The following FMN1 variants were observed in gnomAD, a reference collection of about 807,000 sequenced individuals.
FMN1 encodes the protein formin-1.
A neutral mutation model predicts 132.4 loss-of-function variants in FMN1; 110 were observed. That is an observed-to-expected ratio of 0.83 (90% CI 0.71 to 0.97). The LOEUF (loss-of-function observed/expected upper bound fraction) is 0.97, where lower values mean the gene tolerates loss of function less well. Ranked by LOEUF, FMN1 falls within the 50% of genes least tolerant of loss-of-function variation. FMN1 has a pLI of 0.00. For synonymous variants in FMN1, 722 were observed against 651.7 expected, an observed-to-expected ratio of 1.11 and a Z score of -1.64; for missense variants, 1,792 against 1,705.3, an observed-to-expected ratio of 1.05 and a Z score of -0.90.
intron 16 of FMN1, among the ~76,000 whole-genome samples, chr15:32,874,017 G>GTTTTTTTTTTTTTTTTTT (rs962842419): frequency 1.7e-5 from 2 of 115,104 alleles, no homozygotes; most frequent in African/African-American, 6.8e-5. Flanking sequence ...TATTTTAGTT[G>GTTTTTTTTTTTTTTTTTT]TTTTTTTTTT....
intron 16 of FMN1, among the ~76,000 whole-genome samples, chr15:32,861,767 C>T (rs1174856890): frequency 6.6e-6 from 1 of 152,204 alleles, no homozygotes; most frequent in Non-Finnish European, 1.5e-5. Flanking sequence ...TAATGATTTT[C>T]ATTCCCGTGC....
chr15:32,969,219 A>G lies in FMN1; in HGVS notation c.2482T>C (p.Leu828=), dbSNP rs2031556575. 6.2e-7 allele frequency: 1 copy of G among 1,613,826 alleles called. No individual in the cohort carries two copies. Among genetic ancestry groups the G allele is most frequent in the East Asian group, 2.2e-5 (1 of 44,874 alleles). ...SESKTTRSNQ[L]VPKKLNISSL... ...GAGATATTCAGCTTTTTGGGTACTA[A>G]TTGATTACTTCTGGTTGTCTTGCTT... is the stretch of plus-strand genomic sequence containing the variant. The change falls in exon 8 of 21, where the codon TTA becomes CTA. Residue 828 remains leucine, a synonymous_variant. Coordinates refer to ENST00000616417, the MANE Select transcript of FMN1 (RefSeq NM_001277313.2).
At chr15:33,026,006 T>C (rs1050739316) in intron 6 of FMN1, among the ~76,000 whole-genome samples, 1 of 151,978 alleles carries the variant, frequency 6.6e-6, no homozygotes, top group African/African-American at 2.4e-5. Context: ...ATAAAACTGG[T>C]AATGTTTACA....
intron 15 of FMN1, among the ~76,000 whole-genome samples, chr15:32,897,877 T>A (rs1389586634): frequency 6.6e-6 from 1 of 151,774 alleles, no homozygotes; most frequent in East Asian, 1.9e-4. Flanking sequence ...AACAACTCAG[T>A]GGAAGGACAG....
chr15:32,978,058 T>C (rs2032356414), intron 7 of FMN1, among the ~76,000 whole-genome samples: 1 of 152,072 alleles, frequency 6.6e-6, no homozygotes, highest in Admixed American at 6.6e-5. Flanking sequence ...GGTTTCACCA[T>C]GTTGGCCAGG....
chr15:32,913,106 G>T (rs749665002), intron 10 of FMN1, among the ~76,000 whole-genome samples: 2 of 152,076 alleles, frequency 1.3e-5, no homozygotes, highest in Non-Finnish European at 2.9e-5. Context: ...TCTGATCGCG[G>T]TTACTAGGAA....
intron 16 of FMN1, 116 bp downstream of exon 16, chr15:32,888,056 C>T (rs998665663): frequency 2.6e-6 from 2 of 777,614 alleles, no homozygotes; most frequent in Non-Finnish European, 1.9e-6. Flanking sequence ...CTGTAGTGTA[C>T]CATTGCTGAA....
chr15:32,947,116 C>A (rs982926098), intron 9 of FMN1, among the ~76,000 whole-genome samples: 1 of 152,174 alleles, frequency 6.6e-6, no homozygotes. Flanking sequence ...CGTATAAGGC[C>A]AAAAGATAGG....
chr15:32,989,899 A>G (rs2033330569), intron 7 of FMN1, among the ~76,000 whole-genome samples: 1 of 152,162 alleles, frequency 6.6e-6, no homozygotes, highest in Non-Finnish European at 1.5e-5. Flanking sequence ...TAGGAGAACC[A>G]TGACACCGTA....
intron 17 of FMN1, among the ~76,000 whole-genome samples, chr15:32,806,489 C>G (rs920470990): frequency 1.1e-4 from 16 of 152,202 alleles, no homozygotes; most frequent in African/African-American, 3.9e-4. Context: ...CCATAATCTT[C>G]CTCATTGATT....
chr15:32,804,258 G>A, intron 18 of FMN1, 23 bp downstream of exon 18: 1 of 1,541,976 alleles, frequency 6.5e-7, no homozygotes, highest in Middle Eastern at 1.7e-4. Flanking sequence ...AGAAAGAACT[G>A]GGGCCAAATC....
intron 17 of FMN1, among the ~76,000 whole-genome samples, chr15:32,824,269 G>A (rs1235908833): frequency 6.6e-6 from 1 of 152,216 alleles, no homozygotes; most frequent in Non-Finnish European, 1.5e-5. Flanking sequence ...GCCTGGGCTG[G>A]AGCGTGGAGC....
chr15:33,058,430 T>C lies in FMN1; in HGVS notation c.2161+6527A>G, dbSNP rs77126007. 3.0e-3 allele frequency among the ~76,000 whole-genome samples: 462 copies of C among 152,320 alleles called. 5 individuals are homozygous for C. Among genetic ancestry groups the C allele is most frequent in the African/African-American group, 0.01 (432 of 41,578 alleles). The stretch of plus-strand genomic sequence containing the variant: ...CTGTTAAAATAAAAATGTTTGCTCA[T>C]GTACCTCCCAAAACCATTTACATGT... On this transcript the variant is annotated intron_variant, in intron 6 of 20. Transcript: ENST00000616417.
intron 12 of FMN1, among the ~76,000 whole-genome samples, chr15:32,905,905 G>C (rs1001599454): frequency 6.6e-6 from 1 of 152,076 alleles, no homozygotes; most frequent in Non-Finnish European, 1.5e-5. Context: ...CCATCTATCC[G>C]TGCCTCACCC....
chr15:33,130,840 A>AG (rs1963510598), intron 4 of FMN1, among the ~76,000 whole-genome samples: 1 of 152,178 alleles, frequency 6.6e-6, no homozygotes, highest in African/African-American at 2.4e-5. Flanking sequence ...TATAATTTTT[A>AG]AAACTTGTAC....
chr15:33,079,178 A>G (rs563084026), intron 5 of FMN1, among the ~76,000 whole-genome samples: 2 of 152,228 alleles, frequency 1.3e-5, no homozygotes, highest in African/African-American at 4.8e-5. Flanking sequence ...TCCAAATTGT[A>G]TATGAACAGC....
chr15:33,023,075 A>AG (rs1555383617), intron 6 of FMN1, among the ~76,000 whole-genome samples: 1 of 30,542 alleles, frequency 3.3e-5, no homozygotes, highest in Middle Eastern at 0.017. Flanking sequence ...AAAAAAAAAA[A>AG]AAGAAAAAAA....
intron 4 of FMN1, among the ~76,000 whole-genome samples, chr15:33,112,594 A>G (rs1566926175): frequency 6.6e-6 from 1 of 152,128 alleles, no homozygotes; most frequent in Non-Finnish European, 1.5e-5. Flanking sequence ...AAACACTCCA[A>G]AGATATTAGA....
At chr15:33,103,460 A>G (rs1042563258) in intron 4 of FMN1, among the ~76,000 whole-genome samples, 3 of 152,092 alleles carry the variant, frequency 2.0e-5, no homozygotes, top group African/African-American at 7.2e-5. Flanking sequence ...TGTTAGAATT[A>G]TTACTCTCTG....
Sources: gnomAD v4.1 joint callset for allele counts (sites outside exome capture counted in the v4.1 genomes callset) on GRCh38, gnomAD v4.1.1 for gene constraint, MANE v1.5 for transcripts, NCBI Gene and HGNC (gene_info 2026-07-23, HGNC 2026-07-21) for gene names.